Variants in ZSCAN5A observed in about 807,000 individuals in gnomAD.
ZSCAN5A encodes the protein zinc finger and SCAN domain-containing protein 5A.
Under a neutral mutation model 23.7 loss-of-function variants are expected in ZSCAN5A, and 12 were observed. That is an observed-to-expected ratio of 0.51 (90% CI 0.32 to 0.82). The LOEUF (loss-of-function observed/expected upper bound fraction) is 0.82. Among genes scored for constraint, ZSCAN5A ranks in the 40% least tolerant of loss-of-function variants. The pLI, the probability that ZSCAN5A is intolerant of heterozygous loss-of-function variation, is 0.03. For synonymous variants in ZSCAN5A, 257 were observed against 239.9 expected, an observed-to-expected ratio of 1.07 and a Z score of -0.66; for missense variants, 597 against 617.9, an observed-to-expected ratio of 0.97 and a Z score of 0.36.
intron 2 of ZSCAN5A, among the ~76,000 whole-genome samples, chr19:56,240,857 C>T (rs1217056482): frequency 6.6e-6 from 1 of 152,106 alleles, no homozygotes; most frequent in Non-Finnish European, 1.5e-5. Flanking sequence ...AGGCACCTAC[C>T]TGCCAACAGG....
chr19:56,318,838 T>C (rs988297259), upstream of ZSCAN5A, among the ~76,000 whole-genome samples: 2 of 152,148 alleles, frequency 1.3e-5, no homozygotes, highest in South Asian at 2.1e-4. Flanking sequence ...TATAAATTGA[T>C]TGAAAGCAGG....
At position 56,352,972 on chromosome 19, in the gene ZSCAN5A, T is replaced by C. The variant is rs1382114511; in HGVS notation, c.-358+10263A>G. Among the ~76,000 whole-genome samples the C allele has an allele frequency of 1.3e-5, 2 of 152,216 alleles. No individual in the cohort carries two copies. Among genetic ancestry groups the C allele is most frequent in the African/African-American group, 4.8e-5 (2 of 41,450 alleles). On this transcript the variant is annotated intron_variant, in intron 2 of 6. Transcript: ENST00000587340. The surrounding 1 kb of genome is among the most constrained non-coding windows in gnomAD (Gnocchi z 4.2). ...ATTTTCAGGGGGAAGAGGGCTGTCCTGTGCATTGTAGGATGTTTAGCTGCA... is the reference window on the plus strand; with the variant it reads ...ATTTTCAGGGGGAAGAGGGCTGTCCCGTGCATTGTAGGATGTTTAGCTGCA...
At position 56,325,677 on chromosome 19, in the gene ZSCAN5A, AG is replaced by A. The variant is rs759818701; in HGVS notation, c.-357-9410del. Among the ~76,000 whole-genome samples the A allele has an allele frequency of 6.5e-4, 99 of 151,996 alleles. 1 individual carries two copies. The highest frequency in any genetic ancestry group is 1.2e-3 in the Non-Finnish European group (81 of 67,960). ...ACTTAAAAAAAAAAATAGCGTTTGA[AG>A]GGGTTAAGGAGGGAGAATTCATTAG... On this transcript the variant is annotated intron_variant, in intron 2 of 6. Transcript: ENST00000587340.
At chr19:56,285,531 A>G (rs948367498) in intron 2 of ZSCAN5A, among the ~76,000 whole-genome samples, 5 of 152,112 alleles carry the variant, frequency 3.3e-5, no homozygotes, top group African/African-American at 1.2e-4. Flanking sequence ...GTTCATGTAC[A>G]TTTAGTTTTT....
At chr19:56,353,512 G>A (rs2041680859) in intron 2 of ZSCAN5A, among the ~76,000 whole-genome samples, 1 of 152,160 alleles carries the variant, frequency 6.6e-6, no homozygotes, top group Non-Finnish European at 1.5e-5. Flanking sequence ...GCTCACGCCT[G>A]TAATCCCAGC....
At chr19:56,280,882 T>A (rs931607139) in intron 2 of ZSCAN5A, among the ~76,000 whole-genome samples, 1 of 152,158 alleles carries the variant, frequency 6.6e-6, no homozygotes, top group Non-Finnish European at 1.5e-5. Context: ...ACATGCTGTT[T>A]GGGGTACACA....
upstream of ZSCAN5A, chr19:56,315,499 C>T (rs965547152): frequency 1.3e-5 from 2 of 152,242 alleles, no homozygotes; most frequent in African/African-American, 4.8e-5. Context: ...GGCTTCGAGT[C>T]TCCATGGTAA....
intron 2 of ZSCAN5A, chr19:56,342,705 G>C: frequency 1.6e-6 from 1 of 638,070 alleles, no homozygotes; most frequent in Admixed American, 2.4e-5. Flanking sequence ...CTATACATCT[G>C]TTTTTCCTCT....
In ZSCAN5A at chr19:56,259,097, A is replaced by C. The variant is rs186318075; in HGVS notation, c.-127-33924T>G. ...GAGCCCACCACCGATTTCCTGACCC[A>C]CAGAGATACTAAAAGCACTGTTGTT... On this transcript the variant is annotated intron_variant, in intron 2 of 5. Coordinates refer to ENST00000683990, the MANE Select transcript of ZSCAN5A (RefSeq NM_001322064.3). 1.8e-3 allele frequency among the ~76,000 whole-genome samples: 281 copies of C among 152,290 alleles called. 9 individuals carry two copies. The highest frequency in any genetic ancestry group is 0.018 in the Admixed American group (277 of 15,296).
At chr19:56,225,915 T>C (rs951799402) in intron 2 of ZSCAN5A, among the ~76,000 whole-genome samples, 1 of 150,954 alleles carries the variant, frequency 6.6e-6, no homozygotes, top group Non-Finnish European at 1.5e-5. Context: ...GGTTTCTGTA[T>C]TCCTAATCTC....
chr19:56,346,172 G>A (rs1736985985), intron 2 of ZSCAN5A, among the ~76,000 whole-genome samples: 2 of 150,348 alleles, frequency 1.3e-5, no homozygotes, highest in Non-Finnish European at 3.0e-5. Flanking sequence ...AGGTAGAGTT[G>A]ATAAAACCCA....
At chr19:56,271,929 G>C (rs2037876936) in intron 2 of ZSCAN5A, among the ~76,000 whole-genome samples, 1 of 152,148 alleles carries the variant, frequency 6.6e-6, no homozygotes, top group Non-Finnish European at 1.5e-5. Flanking sequence ...ATTACCAGTG[G>C]AAACAGTTAG....
intron 2 of ZSCAN5A, among the ~76,000 whole-genome samples, chr19:56,323,533 C>CTTTTTTT (rs35501936): frequency 8.1e-6 from 1 of 123,664 alleles, no homozygotes; most frequent in Non-Finnish European, 1.7e-5. Flanking sequence ...TGAGGCAGAA[C>CTTTTTTT]TTTTTTTTTT....
At chr19:56,246,783 C>T (rs61738589) in intron 2 of ZSCAN5A, 44 of 1,551,294 alleles carry the variant, frequency 2.8e-5, no homozygotes, top group East Asian at 4.5e-5. Context: ...GAGCCTCTGT[C>T]GAAAATGTGG....
chr19:56,342,626 G>T (rs1568760694), intron 2 of ZSCAN5A: 2 of 468,488 alleles, frequency 4.3e-6, no homozygotes, highest in Admixed American at 5.6e-5. Context: ...CTTGATTAGG[G>T]AAAAAAATTT....
At chr19:56,268,990 T>C (rs2146934660) in intron 2 of ZSCAN5A, among the ~76,000 whole-genome samples, 2 of 152,372 alleles carry the variant, frequency 1.3e-5, no homozygotes, top group Non-Finnish European at 2.9e-5. Flanking sequence ...AATAATATCC[T>C]ATTATATGGC....
At chr19:56,222,347 C>T in intron 5 of ZSCAN5A, 21 bp from the exon 6 acceptor site, 1 of 1,607,298 alleles carries the variant, frequency 6.2e-7, no homozygotes, top group South Asian at 1.1e-5. Context: ...GGATTCCACA[C>T]ACACAGTTAA....
intron 2 of ZSCAN5A, among the ~76,000 whole-genome samples, chr19:56,231,461 A>G (rs2034457007): frequency 6.6e-6 from 1 of 152,194 alleles, no homozygotes; most frequent in African/African-American, 2.4e-5. Context: ...CCTCATGGGA[A>G]TGTGGAGTTT....
chr19:56,312,894 T>C (rs1002069822), intron 2 of ZSCAN5A, among the ~76,000 whole-genome samples: 6 of 152,264 alleles, frequency 3.9e-5, no homozygotes, highest in African/African-American at 7.2e-5. Flanking sequence ...TTAAAGATGG[T>C]GTTTCCACAG....
Sources: gnomAD v4.1 joint callset for allele counts (sites outside exome capture counted in the v4.1 genomes callset) on GRCh38, gnomAD v4.1.1 for gene constraint, Gnocchi (gnomAD v3.1) non-coding constraint, MANE v1.5 for transcripts, NCBI Gene and HGNC (gene_info 2026-07-23, HGNC 2026-07-21) for gene names.